The following EXOC2 variants were observed in gnomAD, a reference collection of about 807,000 sequenced individuals.
The protein encoded by EXOC2 is exocyst complex component 2, also known as SEC5-like 1.
Under a neutral mutation model 131.8 loss-of-function variants are expected in EXOC2, and 70 were observed. The observed-to-expected ratio is 0.53, with a 90% CI of 0.44 to 0.65. EXOC2 has a LOEUF of 0.65. EXOC2 is among the 30% of genes least tolerant of loss of function. The pLI is 0.00. For synonymous variants in EXOC2, 411 were observed against 398.4 expected (o/e 1.03, Z -0.38); for missense variants, 923 against 1,108.6 (o/e 0.83, Z 2.38).
intron 22 of EXOC2, among the ~76,000 whole-genome samples, chr6:541,349 C>T (rs1354912640): frequency 1.3e-5 from 2 of 152,162 alleles, no homozygotes; most frequent in Non-Finnish European, 2.9e-5. Context: ...AATTCACAGC[C>T]TTAAATGTTC....
chr6:681,426 T>G (rs935861987), intron 1 of EXOC2, among the ~76,000 whole-genome samples: 5 of 152,194 alleles, frequency 3.3e-5, no homozygotes, highest in Admixed American at 1.3e-4. Context: ...AAATTCTAAT[T>G]TGTAGGTGCA....
intron 20 of EXOC2, 70 bp downstream of exon 20, chr6:555,157 G>T: frequency 1.2e-6 from 1 of 852,402 alleles, no homozygotes; most frequent in Non-Finnish European, 1.7e-6. Context: ...ATAAGACCAA[G>T]CATAAAACTT....
rs184898567 is a variant in EXOC2 at position 561,042 on chromosome 6, A to G, written c.1851+1742T>C. ...TATTTTTATTAAAAATAAAGCATTTAAAATAGAATCTTAATTGACTTATTA... is the reference window on the plus strand; with the variant it reads ...TATTTTTATTAAAAATAAAGCATTTGAAATAGAATCTTAATTGACTTATTA... On this transcript the variant is annotated intron_variant, in intron 17 of 27. Transcript: ENST00000230449. Among the ~76,000 whole-genome samples, 126 of 152,298 alleles carry G rather than the reference A, an allele frequency of 8.3e-4. 2 individuals are homozygous for G. The East Asian group carries it at 0.022, about 26-fold the overall frequency.
chr6:489,989 C>G (rs1763330549), intron 26 of EXOC2, among the ~76,000 whole-genome samples: 1 of 152,212 alleles, frequency 6.6e-6, no homozygotes, highest in South Asian at 2.1e-4. Context: ...GCACTCGGGT[C>G]CCTTCCCACA....
rs543674328 is a variant in EXOC2, at chr6:491,056, G to C, written c.2621+69C>G. On this transcript the variant is annotated intron_variant, in intron 26 of 27. Coordinates refer to ENST00000230449, the MANE Select transcript of EXOC2 (RefSeq NM_018303.6). The stretch of plus-strand genomic sequence containing the variant: ...GCTCTGATCAGTCATCTTTACAGAG[G>C]ACAGAATTGACTAGTAAGACAACCT... 48 of 1,485,262 alleles carry C rather than the reference G, an allele frequency of 3.2e-5. 1 individual carries two copies. In the South Asian group the frequency reaches 4.8e-4, roughly 15 times the overall value. 92.0% of individuals were successfully genotyped at this position (1,485,262 alleles called of 1,614,324 possible).
At chr6:564,822 C>T (rs990793340) in intron 14 of EXOC2, 42 bp downstream of exon 14, 1 of 1,593,470 alleles carries the variant, frequency 6.3e-7, no homozygotes, top group Non-Finnish European at 8.5e-7. Flanking sequence ...AGGAAAAACC[C>T]TACCCTGTGA....
At chr6:556,116 G>A (rs1757406852) in intron 18 of EXOC2, 103 bp from the exon 19 acceptor site, 1 of 1,031,450 alleles carries the variant, frequency 9.7e-7, no homozygotes, top group East Asian at 2.4e-5. Flanking sequence ...GCTGCTGCAG[G>A]AGTGGTGCCC....
intron 11 of EXOC2, among the ~76,000 whole-genome samples, chr6:579,461 G>T (rs935054830): frequency 3.9e-5 from 6 of 152,216 alleles, no homozygotes; most frequent in African/African-American, 1.4e-4. Context: ...CAGGGAGCTA[G>T]AAGAGCACAT....
chr6:597,936 C>T, intron 10 of EXOC2, 85 bp downstream of exon 10: 1 of 935,316 alleles, frequency 1.1e-6, no homozygotes. Context: ...TCCTAAAGTC[C>T]CTCAAGTTAG....
At chr6:495,380 T>C (rs1334835683) in intron 25 of EXOC2, among the ~76,000 whole-genome samples, 1 of 152,080 alleles carries the variant, frequency 6.6e-6, no homozygotes, top group Middle Eastern at 3.2e-3. Context: ...CGCCTCGGCC[T>C]CCCAAAGTGC....
intron 23 of EXOC2, among the ~76,000 whole-genome samples, chr6:501,661 CTATCTATAAAAGATATATA>C (rs1388283933): frequency 2.0e-4 from 21 of 104,772 alleles, no homozygotes; most frequent in Admixed American, 4.2e-4. Context: ...ATAGATATAT[CTATCTATAAAAGATATATA>C]TATCTATAAA....
chr6:573,407 C>T (rs1463544819), intron 12 of EXOC2, among the ~76,000 whole-genome samples: 11 of 152,128 alleles, frequency 7.2e-5, no homozygotes. Context: ...TCCCACCTGC[C>T]TCCCGCCCCG....
At chr6:588,697 C>T (rs1181469929) in intron 11 of EXOC2, among the ~76,000 whole-genome samples, 1 of 152,218 alleles carries the variant, frequency 6.6e-6, no homozygotes, top group Non-Finnish European at 1.5e-5. Context: ...TAACCTGAGG[C>T]ACTGCTCCCA....
intron 1 of EXOC2, among the ~76,000 whole-genome samples, chr6:680,250 C>T (rs1431823330): frequency 1.3e-5 from 2 of 152,136 alleles, no homozygotes; most frequent in African/African-American, 2.4e-5. Context: ...TTGCACCCAG[C>T]CCCAGGTCAA....
intron 12 of EXOC2, among the ~76,000 whole-genome samples, chr6:576,328 G>C (rs1006858947): frequency 2.6e-5 from 4 of 152,114 alleles, no homozygotes; most frequent in African/African-American, 9.7e-5. Context: ...AAAATTATTA[G>C]CAAGTATTTT....
chr6:552,356 G>C (rs887514535), intron 21 of EXOC2, among the ~76,000 whole-genome samples: 1 of 152,170 alleles, frequency 6.6e-6, no homozygotes, highest in African/African-American at 2.4e-5. Context: ...TCTTGCTTTG[G>C]AAGGCCAGCT....
intron 1 of EXOC2, among the ~76,000 whole-genome samples, chr6:682,243 A>G (rs1307455840): frequency 7.2e-6 from 1 of 138,756 alleles, no homozygotes; most frequent in Non-Finnish European, 1.5e-5. Flanking sequence ...TCTGTCACCC[A>G]TGCTGGAGTG....
rs531780772 is a variant in EXOC2 at position 546,030 on chromosome 6, T to C, written c.2238+3145A>G. Among the ~76,000 whole-genome samples, 203 of 152,298 alleles carry C rather than the reference T, an allele frequency of 1.3e-3. 3 individuals carry two copies. Among genetic ancestry groups the C allele is most frequent in the South Asian group, 1.9e-3 (9 of 4,824 alleles). ...CCATGTTTCATATTTTTATAACATA[T>C]AGATAGGATATATAAAGTCATGGTT... On this transcript the variant is annotated intron_variant, in intron 22 of 27. Coordinates refer to ENST00000230449, the MANE Select transcript of EXOC2 (RefSeq NM_018303.6).
chr6:659,418 G>A (rs574167383), intron 1 of EXOC2, among the ~76,000 whole-genome samples: 15 of 152,214 alleles, frequency 9.9e-5, no homozygotes, highest in African/African-American at 2.2e-4. Flanking sequence ...AGCAGCATGC[G>A]AAGGCTCGCA....
Sources: allele counts gnomAD v4.1 joint callset (sites outside exome capture counted in the v4.1 genomes callset), GRCh38; gene constraint gnomAD v4.1.1; transcripts MANE v1.5; gene names NCBI Gene and HGNC (gene_info 2026-07-23, HGNC 2026-07-21).